SLC2A1: variants seen among roughly 807,000 people sequenced by gnomAD.
The protein encoded by SLC2A1 is solute carrier family 2, facilitated glucose transporter member 1.
In SLC2A1, 4 loss-of-function variants were observed where a neutral mutation model predicts 46.6. The ratio of observed to expected loss-of-function variants is 0.09; its 90% CI spans 0.04 to 0.20. The LOEUF is 0.20. Among genes scored for constraint, SLC2A1 ranks in the 10% least tolerant of loss-of-function variants. The pLI, the probability that SLC2A1 is intolerant of heterozygous loss-of-function variation, is 1.00. For synonymous variants in SLC2A1, 253 were observed against 270.0 expected, an observed-to-expected ratio of 0.94 and a Z score of 0.62; for missense variants, 352 against 667.0, an observed-to-expected ratio of 0.53 and a Z score of 5.20.
At chr1:42,931,847 G>GAGAAATAC (rs1643493953) in intron 2 of SLC2A1, among the ~76,000 whole-genome samples, 1 of 105,796 alleles carries the variant, frequency 9.5e-6, no homozygotes, top group Non-Finnish European at 2.1e-5. Flanking sequence ...AAAAAAAAAA[G>GAGAAATAC]AGAAATACAG....
chr1:42,932,888 G>A (rs1156720633), intron 2 of SLC2A1, among the ~76,000 whole-genome samples: 1 of 152,206 alleles, frequency 6.6e-6, no homozygotes, highest in Non-Finnish European at 1.5e-5. Context: ...AGGCTCCAAG[G>A]GGCGAGGACA....
In SLC2A1 at chr1:42,928,848, C is replaced by A. The variant is rs1260930814; in HGVS notation, c.1074+84G>T. 1.8e-5 allele frequency: 22 copies of A among 1,249,142 alleles called. No homozygotes were observed. In the East Asian group the frequency reaches 5.1e-4, roughly 29 times the overall value. 77.4% of individuals were successfully genotyped at this position (1,249,142 alleles called of 1,614,324 possible). On this transcript the variant is annotated intron_variant, in intron 8 of 9. Transcript: ENST00000426263. The stretch of plus-strand genomic sequence containing the variant: ...ATGCAGCCACCAAAAGGCCTGCCAG[C>A]CTGGGGCTGAGACAGGCATTTTGGG...
chr1:42,927,656 G>T lies in SLC2A1; in HGVS notation c.1227C>A (p.Phe409Leu). ...PRPAAIAVAG[F>L]SNWTSNFIVG... ...CAATGAAATTTGAGGTCCAGTTGGA[G>T]AAGCCTGCAACGGCAATGGCAGCTG... The change falls in exon 9 of 10, where the codon TTC becomes TTA. Residue 409 changes from phenylalanine to leucine, a missense_variant. Phe to Leu is a conservative substitution (Grantham distance 22). Around this residue, in one of 5 missense-constraint regions of SLC2A1, gnomAD observed 35 missense variants for 107.2 expected, o/e 0.33. Coordinates refer to ENST00000426263, the MANE Select transcript of SLC2A1 (RefSeq NM_006516.4). This position sits in a 1 kb window ranked among gnomAD's most constrained non-coding sequence, Gnocchi z 5.3. The T allele has an allele frequency of 6.2e-7, 1 of 1,614,202 alleles. No homozygotes were observed. Among genetic ancestry groups the T allele is most frequent in the Non-Finnish European group, 8.5e-7 (1 of 1,180,044 alleles).
intron 1 of SLC2A1, among the ~76,000 whole-genome samples, chr1:42,958,220 T>C (rs1397642701): frequency 6.6e-6 from 1 of 151,262 alleles, no homozygotes; most frequent in Admixed American, 6.6e-5. Context: ...CTCGGCCCGC[T>C]CAGCCAATGG....
intron 8 of SLC2A1, among the ~76,000 whole-genome samples, chr1:42,928,668 G>A (rs760429237): frequency 5.3e-5 from 8 of 152,142 alleles, no homozygotes; most frequent in Non-Finnish European, 1.2e-4. Flanking sequence ...ATTAGGCAAA[G>A]CAATTCCTTA....
chr1:42,951,552 G>A, intron 1 of SLC2A1: 1 of 301,302 alleles, frequency 3.3e-6, no homozygotes, highest in East Asian at 5.3e-5. Flanking sequence ...CTATTTATAG[G>A]CATGTATCTA....
chr1:42,934,436 A>T (rs1385634903), intron 2 of SLC2A1, among the ~76,000 whole-genome samples: 3 of 152,146 alleles, frequency 2.0e-5, no homozygotes, highest in Non-Finnish European at 4.4e-5. Flanking sequence ...TCTGGGAAGA[A>T]GCCACGCCTG....
In SLC2A1 at chr1:42,929,320, A is replaced by G. The variant is rs1643461960; in HGVS notation, c.868-6T>C. On this transcript the variant is annotated splice_polypyrimidine_tract_variant and splice_region_variant and intron_variant, in intron 6 of 9. Coordinates refer to ENST00000426263, the MANE Select transcript of SLC2A1 (RefSeq NM_006516.4). This position sits in a 1 kb window ranked among gnomAD's most constrained non-coding sequence, Gnocchi z 6.0. ...CTCGTGGAGTAATAGAAGACCTGCC[A>G]GACAAGAGAAACTGTTGGGGCCTAC... 1 of 1,604,756 alleles carries G rather than the reference A, an allele frequency of 6.2e-7. No individual in the cohort carries two copies. The highest frequency in any genetic ancestry group is 1.3e-5 in the African/African-American group (1 of 74,600).
intron 2 of SLC2A1, 117 bp from the exon 3 acceptor site, chr1:42,931,323 T>G (rs952770507): frequency 2.0e-6 from 2 of 996,748 alleles, no homozygotes; most frequent in Non-Finnish European, 1.5e-6. Flanking sequence ...TGCCACAGAT[T>G]CACTGCATGT....
At chr1:42,956,333 G>A (rs710219) in intron 1 of SLC2A1, among the ~76,000 whole-genome samples, 32,489 of 150,678 alleles carry the variant, frequency 0.22, 3,607 homozygotes, top group Middle Eastern at 0.27. Flanking sequence ...AGGCCGAGGC[G>A]GGCAGATCAT....
intron 1 of SLC2A1, among the ~76,000 whole-genome samples, chr1:42,945,320 T>G (rs1643641651): frequency 6.6e-6 from 1 of 152,038 alleles, no homozygotes; most frequent in Non-Finnish European, 1.5e-5. Flanking sequence ...CAGTGAGCTG[T>G]GATCACCCCA....
chr1:42,937,672 G>T (rs1643554923), intron 2 of SLC2A1, among the ~76,000 whole-genome samples: 1 of 152,222 alleles, frequency 6.6e-6, no homozygotes, highest in South Asian at 2.1e-4. Context: ...CTGCCTAATG[G>T]GGTTATTTTG....
rs34989628 is a variant in SLC2A1 at position 42,954,218 on chromosome 1, TA to T, written c.18+4415del. Among the ~76,000 whole-genome samples, 76,868 of 146,154 alleles carry T rather than the reference TA, an allele frequency of 0.53. 20,922 individuals are homozygous for T. Among genetic ancestry groups the T allele is most frequent in the African/African-American group, 0.72 (29,309 of 40,718 alleles). On this transcript the variant is annotated intron_variant, in intron 1 of 9. Transcript: ENST00000426263. This position sits in a 1 kb window ranked among gnomAD's most constrained non-coding sequence, Gnocchi z 4.2. The stretch of plus-strand genomic sequence containing the variant: ...AGGCATGTGGAGAAGAAAGCATCTT[TA>T]AAAAAAAAACACAGCTAGGCCAGGC...
At chr1:42,955,903 C>CAATGG (rs919810332) in intron 1 of SLC2A1, among the ~76,000 whole-genome samples, 4 of 152,270 alleles carry the variant, frequency 2.6e-5, no homozygotes, top group African/African-American at 9.6e-5. Flanking sequence ...CAGAGGAGCA[C>CAATGG]AATGGAACAC....
At position 42,926,978 on chromosome 1, in the gene SLC2A1, C is replaced by A; in HGVS notation, c.*63G>T. 2 of 1,587,254 alleles carry A rather than the reference C, an allele frequency of 1.3e-6. No individual in the cohort carries two copies. Among genetic ancestry groups the A allele is most frequent in the Non-Finnish European group, 1.7e-6 (2 of 1,164,126 alleles). ...CAGGTTTGGAAGTCTCATCCAGCTG[C>A]CTGTGCTCCTGAGAGATCCTTAGGG... On this transcript the variant is annotated 3_prime_UTR_variant, in exon 10 of 10. Transcript: ENST00000426263.
At position 42,926,712 on chromosome 1, in the gene SLC2A1, C is replaced by G. The variant is rs1325782888; in HGVS notation, c.*329G>C. Reference sequence around the variant, plus strand: ...AAGTGTCTCGACAGGGCTTAGTCTCCACCCTCAGGCATGGAACCATTCAGG... The same window carrying G: ...AAGTGTCTCGACAGGGCTTAGTCTCGACCCTCAGGCATGGAACCATTCAGG... On this transcript the variant is annotated 3_prime_UTR_variant, in exon 10 of 10. Transcript: ENST00000426263. 9.5e-6 allele frequency: 13 copies of G among 1,361,536 alleles called. No homozygotes were observed. Among genetic ancestry groups the G allele is most frequent in the Non-Finnish European group, 1.3e-5 (13 of 1,036,720 alleles). The allele number at this position is 1,361,536 out of a possible 1,614,324, so 84.3% of individuals were successfully genotyped here.
Position 42,958,812 on chromosome 1 carries a change from A to G in SLC2A1, c.-161T>C. 1.5e-6 allele frequency: 1 copy of G among 669,648 alleles called. No homozygotes were observed. The highest frequency in any genetic ancestry group is 1.9e-5 in the South Asian group (1 of 53,130). 41.5% of individuals were successfully genotyped at this position (669,648 alleles called of 1,614,324 possible). On this transcript the variant is annotated 5_prime_UTR_variant, in exon 1 of 10. Transcript: ENST00000426263. ...TGGTCTCCTGCTCCCTGGCGTGCTC[A>G]CTCGGGGACCCGCGACTAGCGACCG...
In SLC2A1 at chr1:42,927,704, T is replaced by C; in HGVS notation, c.1179A>G (p.Glu393=). 6.2e-7 allele frequency: 1 copy of C among 1,613,842 alleles called. No individual in the cohort carries two copies. The highest frequency in any genetic ancestry group is 2.2e-5 in the East Asian group (1 of 44,856). ...PGPIPWFIVA[E]LFSQGPRPAA... is the part of the protein sequence containing the mutation. ...CTGGACGTGGACCCTGGCTGAAGAG[T>C]TCAGCCACGATGAACCATGGGATGG... Residue 393 remains glutamate, a synonymous_variant, in exon 9 of 10, where the codon GAA becomes GAG. Transcript: ENST00000426263. The surrounding 1 kb of genome is among the most constrained non-coding windows in gnomAD (Gnocchi z 5.3).
At chr1:42,937,099 A>T (rs1236586960) in intron 2 of SLC2A1, among the ~76,000 whole-genome samples, 2 of 152,182 alleles carry the variant, frequency 1.3e-5, no homozygotes, top group Non-Finnish European at 2.9e-5. Flanking sequence ...ACCCTGCTCT[A>T]AGGGCGAAGC....
Sources: gnomAD v4.1 joint callset for allele counts (sites outside exome capture counted in the v4.1 genomes callset) on GRCh38, gnomAD v4.1.1 for gene constraint, gnomAD v4.1.1 regional missense constraint, Gnocchi (gnomAD v3.1) non-coding constraint, MANE v1.5 for transcripts, NCBI Gene and HGNC (gene_info 2026-07-23, HGNC 2026-07-21) for gene names.